The following XRCC6 variants were observed in gnomAD, a reference collection of about 807,000 sequenced individuals.
XRCC6 encodes the protein DNA repair protein Ku70.
In XRCC6, 5 loss-of-function variants were observed where a neutral mutation model predicts 65.7. The ratio of observed to expected loss-of-function variants is 0.08; its 90% CI spans 0.04 to 0.16. XRCC6 has a LOEUF of 0.16. Ranked by LOEUF, XRCC6 falls within the 10% of genes least tolerant of loss-of-function variation. The pLI is 1.00. For synonymous variants in XRCC6, 270 were observed against 270.6 expected, an observed-to-expected ratio of 1.00 and a Z score of 0.02; for missense variants, 447 against 738.1, an observed-to-expected ratio of 0.61 and a Z score of 4.57.
intron 11 of XRCC6, 120 bp downstream of exon 11, chr22:41,658,472 C>T (rs1569098470): frequency 6.5e-6 from 6 of 920,948 alleles, no homozygotes; most frequent in East Asian, 2.7e-5. Context: ...ATTCCCCAGA[C>T]CCCCTCTGTT....
chr22:41,627,479 C>T (rs1008189342), intron 2 of XRCC6, among the ~76,000 whole-genome samples: 2 of 151,860 alleles, frequency 1.3e-5, no homozygotes, highest in East Asian at 1.9e-4. Flanking sequence ...GGAGTGGTGG[C>T]GGGCGTCTAT....
Position 41,636,163 on chromosome 22 carries a change from C to G in XRCC6, c.246C>G (p.Leu82=). 6.2e-7 allele frequency: 1 copy of G among 1,604,806 alleles called. No homozygotes were observed. The highest frequency in any genetic ancestry group is 8.5e-7 in the Non-Finnish European group (1 of 1,178,178). ...ISKIISSDRD[L]LAVVFYGTEK... ...AGATCATAAGCAGTGATCGAGATCT[C>G]TTGGCTGTGGTGTTCTATGGTACCG... The change falls in exon 4 of 13, where the codon CTC becomes CTG. Residue 82 remains leucine (L), a synonymous_variant. Transcript: ENST00000360079.
rs199605755 is a variant in XRCC6, at chr22:41,656,868, A to G, written c.1292-35A>G. On this transcript the variant is annotated intron_variant, in intron 9 of 12. Coordinates refer to ENST00000360079, the MANE Select transcript of XRCC6 (RefSeq NM_001469.5). ...AGAAACAAGTGACTGCAACACTTGA[A>G]GTCAAATCAAAGAAAATTTATCTCC... 2.5e-6 allele frequency: 4 copies of G among 1,611,440 alleles called. No individual in the cohort carries two copies. In the Admixed American group the frequency reaches 6.7e-5, roughly 27 times the overall value.
intron 3 of XRCC6, among the ~76,000 whole-genome samples, chr22:41,630,285 C>CT (rs909826627): frequency 2.3e-4 from 34 of 144,830 alleles, no homozygotes; most frequent in East Asian, 8.0e-4. Context: ...CCCGGCCTTG[C>CT]TTTTTTTTTT....
Position 41,643,809 on chromosome 22 carries a change from A to G in XRCC6, c.774-3087A>G, listed in dbSNP as rs2067903504. Among the ~76,000 whole-genome samples the G allele has an allele frequency of 2.1e-5, 3 of 145,012 alleles. No homozygotes were observed. In the South Asian group the frequency reaches 6.5e-4, roughly 31 times the overall value. ...GCACTCCACCCTAGGCGACAGAGTGAGACTCCATCTCAAAAAAAAAAAAAA... is the reference window on the plus strand; with the variant it reads ...GCACTCCACCCTAGGCGACAGAGTGGGACTCCATCTCAAAAAAAAAAAAAA... On this transcript the variant is annotated intron_variant, in intron 6 of 12. Transcript: ENST00000360079.
chr22:41,623,369 A>G (rs2067632077), intron 2 of XRCC6, among the ~76,000 whole-genome samples: 1 of 151,934 alleles, frequency 6.6e-6, no homozygotes, highest in African/African-American at 2.4e-5. Context: ...ATGAGCCTCC[A>G]TGCCCAGACT....
chr22:41,660,989 G>A lies in XRCC6; in HGVS notation c.1523-342G>A, dbSNP rs535468942. On this transcript the variant is annotated intron_variant, in intron 11 of 12. Transcript: ENST00000360079. ...TCGGAGGTTGCAGTGAGCCAAGATC[G>A]CGCCACTGCACTCCAGCCTGGCAAC... is the stretch of plus-strand genomic sequence containing the variant. Among the ~76,000 whole-genome samples the A allele has an allele frequency of 4.0e-5, 6 of 151,108 alleles. No homozygotes were observed. The South Asian group carries it at 1.0e-3, about 26-fold the overall frequency.
chr22:41,649,874 G>T (rs577050753), intron 7 of XRCC6, among the ~76,000 whole-genome samples: 1 of 151,060 alleles, frequency 6.6e-6, no homozygotes, highest in African/African-American at 2.4e-5. Context: ...TAAATAAATA[G>T]ATATGGTTTG....
At chr22:41,657,511 A>G (rs1240411191) in intron 10 of XRCC6, among the ~76,000 whole-genome samples, 6 of 145,836 alleles carry the variant, frequency 4.1e-5, no homozygotes, top group African/African-American at 1.0e-4. Context: ...TATTATTATT[A>G]TTATTATTAT....
intron 7 of XRCC6, among the ~76,000 whole-genome samples, chr22:41,649,139 A>AAAAAAAAATATATAT: frequency 3.4e-5 from 3 of 88,736 alleles, no homozygotes; most frequent in Non-Finnish European, 2.1e-5. Flanking sequence ...AAAAAAAAAA[A>AAAAAAAAATATATAT]ATATATATAT....
chr22:41,637,302 C>A (rs1480446941), intron 5 of XRCC6, among the ~76,000 whole-genome samples: 4 of 152,082 alleles, frequency 2.6e-5, no homozygotes, highest in Non-Finnish European at 4.4e-5. Context: ...CCAGGCTGGT[C>A]TCGAACTCTG....
Position 41,631,171 on chromosome 22 carries a change from C to T in XRCC6, c.195+2941C>T, listed in dbSNP as rs1417551496. On this transcript the variant is annotated intron_variant, in intron 3 of 12. Transcript: ENST00000360079. ...CCCCCCACCTCCCTCCCGGACGGGG[C>T]GGCTGGCCAGGCAGAGGGGCTCCTC... is the stretch of plus-strand genomic sequence containing the variant. Among the ~76,000 whole-genome samples the T allele has an allele frequency of 1.9e-3, 248 of 133,568 alleles. 1 individual carries two copies. Among genetic ancestry groups the T allele is most frequent in the South Asian group, 2.8e-3 (11 of 3,882 alleles). 87.6% of individuals were successfully genotyped at this position (133,568 alleles called of 152,430 possible).
intron 6 of XRCC6, among the ~76,000 whole-genome samples, chr22:41,640,110 G>C (rs913808335): frequency 6.6e-6 from 1 of 151,790 alleles, no homozygotes; most frequent in Non-Finnish European, 1.5e-5. Flanking sequence ...TACAACTCCT[G>C]GGCTCAGGCA....
chr22:41,636,928 C>G (rs2067816359), intron 5 of XRCC6, among the ~76,000 whole-genome samples, 158 bp downstream of exon 5: 1 of 151,738 alleles, frequency 6.6e-6, no homozygotes, highest in South Asian at 2.1e-4. Context: ...TTATTGCTTT[C>G]TGTGTACCTG....
At chr22:41,642,928 A>T (rs1012461047) in intron 6 of XRCC6, among the ~76,000 whole-genome samples, 1 of 152,252 alleles carries the variant, frequency 6.6e-6, no homozygotes, top group African/African-American at 2.4e-5. Context: ...AAGGTATATT[A>T]GGTGCTTGCC....
At chr22:41,650,189 C>G (rs572768323) in intron 7 of XRCC6, among the ~76,000 whole-genome samples, 121 of 151,572 alleles carry the variant, frequency 8.0e-4, no homozygotes, top group African/African-American at 2.7e-3. Context: ...ACTGCATCCT[C>G]GAACTCCTGG....
intron 6 of XRCC6, among the ~76,000 whole-genome samples, chr22:41,640,563 A>G (rs1053978178): frequency 3.3e-5 from 5 of 152,156 alleles, no homozygotes; most frequent in African/African-American, 7.2e-5. Flanking sequence ...TTTCCTCAGT[A>G]TAGGGGTCCA....
At chr22:41,643,265 C>T (rs1409763833) in intron 6 of XRCC6, among the ~76,000 whole-genome samples, 2 of 151,864 alleles carry the variant, frequency 1.3e-5, no homozygotes, top group African/African-American at 2.4e-5. Flanking sequence ...AAAAATTAGC[C>T]AGGCTTGGTG....
intron 3 of XRCC6, among the ~76,000 whole-genome samples, chr22:41,632,827 A>G (rs28384715): frequency 1.7e-4 from 22 of 132,168 alleles, no homozygotes; most frequent in South Asian, 1.2e-3. Context: ...TGTCTCTTGG[A>G]AAAAAAAAAA....
Sources: gnomAD v4.1 joint callset for allele counts (sites outside exome capture counted in the v4.1 genomes callset) on GRCh38, gnomAD v4.1.1 for gene constraint, MANE v1.5 for transcripts, NCBI Gene and HGNC (gene_info 2026-07-23, HGNC 2026-07-21) for gene names.